DUSP14: variants seen among roughly 807,000 people sequenced by gnomAD.
DUSP14 encodes dual specificity protein phosphatase 14.
A neutral mutation model predicts 13.2 loss-of-function variants in DUSP14; 5 were observed. The ratio of observed to expected loss-of-function variants is 0.38; its 90% CI spans 0.20 to 0.80. The LOEUF (loss-of-function observed/expected upper bound fraction) is 0.80, where lower values mean the gene tolerates loss of function less well. Among genes scored for constraint, DUSP14 ranks in the 30% least tolerant of loss-of-function variants. The pLI is 0.44. For missense variants in DUSP14, 185 were observed against 264.0 expected, an observed-to-expected ratio of 0.70 and a Z score of 2.07; for synonymous variants, 91 against 103.4, an observed-to-expected ratio of 0.88 and a Z score of 0.73.
chr17:37,512,215 G>A lies in DUSP14; in HGVS notation c.-58G>A. On this transcript the variant is annotated 5_prime_UTR_variant, in exon 3 of 3. Coordinates refer to ENST00000617516, the MANE Select transcript of DUSP14 (RefSeq NM_007026.4). This position sits in a 1 kb window ranked among gnomAD's most constrained non-coding sequence, Gnocchi z 4.8. ...TCTAATTTTGGATTCCTTGGTGGAG[G>A]AAAATAAAACACTCTGGTCTTGCCG... is the stretch of plus-strand genomic sequence containing the variant. 1 of 1,460,126 alleles carries A rather than the reference G, an allele frequency of 6.8e-7. No homozygotes were observed. The highest frequency in any genetic ancestry group is 2.3e-5 in the East Asian group (1 of 43,808). 90.4% of individuals were successfully genotyped at this position (1,460,126 alleles called of 1,614,324 possible).
chr17:37,493,341 C>T (rs1453381317), intron 1 of DUSP14, among the ~76,000 whole-genome samples: 1 of 152,136 alleles, frequency 6.6e-6, no homozygotes, highest in Non-Finnish European at 1.5e-5. Flanking sequence ...TGTTTCTGGT[C>T]TGGGGCAATT....
intron 1 of DUSP14, among the ~76,000 whole-genome samples, chr17:37,504,256 G>A (rs1050674524): frequency 3.9e-5 from 6 of 152,124 alleles, no homozygotes; most frequent in Non-Finnish European, 7.4e-5. Flanking sequence ...GTGAACAGGC[G>A]CTGGTCCATC....
At chr17:37,496,685 G>A (rs945103258) in intron 1 of DUSP14, among the ~76,000 whole-genome samples, 1 of 151,970 alleles carries the variant, frequency 6.6e-6, no homozygotes, top group Non-Finnish European at 1.5e-5. Context: ...CCTGGGAGGC[G>A]GAGGTTCAAG....
At chr17:37,500,580 A>G (rs2054098244) in intron 1 of DUSP14, among the ~76,000 whole-genome samples, 1 of 152,168 alleles carries the variant, frequency 6.6e-6, no homozygotes, top group Non-Finnish European at 1.5e-5. Context: ...ATTGCTGATT[A>G]GTGATTTTTT....
upstream of DUSP14, among the ~76,000 whole-genome samples, chr17:37,489,530 A>C (rs895848474): frequency 1.3e-5 from 2 of 151,938 alleles, no homozygotes; most frequent in African/African-American, 4.8e-5. Context: ...AATCCTCTCC[A>C]ATCCCGAAAG....
At chr17:37,511,938 C>CATTTTTTTTTTTTTTTTTT (rs1568206074) in intron 2 of DUSP14, among the ~76,000 whole-genome samples, 1 of 38,248 alleles carries the variant, frequency 2.6e-5, no homozygotes, top group Non-Finnish European at 4.6e-5. Context: ...CCCCACCCCA[C>CATTTTTTTTTTTTTTTTTT]TTTTTTTTTT....
intron 1 of DUSP14, among the ~76,000 whole-genome samples, chr17:37,493,475 T>C (rs1261461801): frequency 6.6e-6 from 1 of 152,214 alleles, no homozygotes; most frequent in Non-Finnish European, 1.5e-5. Flanking sequence ...AGTCACTGTA[T>C]TTGCTGTTTA....
chr17:37,497,152 CA>C (rs1244064523), intron 1 of DUSP14, among the ~76,000 whole-genome samples: 5 of 151,114 alleles, frequency 3.3e-5, no homozygotes, highest in Non-Finnish European at 5.9e-5. Context: ...CTTCAAACTG[CA>C]TTTTTTTTTT....
Position 37,513,196 on chromosome 17 carries a change from A to G in DUSP14, c.*327A>G. The G allele has an allele frequency of 3.2e-6, 1 of 308,288 alleles. No individual in the cohort carries two copies. The highest frequency in any genetic ancestry group is 6.4e-6 in the Non-Finnish European group (1 of 157,428). The allele number at this position is 308,288 out of a possible 1,614,324, so 19.1% of individuals were successfully genotyped here. A position where few individuals can be genotyped will look rare whatever the true frequency, so the allele number is the denominator to read the frequency against. On this transcript the variant is annotated 3_prime_UTR_variant, in exon 3 of 3. Transcript: ENST00000617516. ...ATGCCTTTGGCACCTTGGTAGGTGC[A>G]GGAGGAGCTCAGTGCAAAAATCACT...
At chr17:37,495,784 C>T (rs1389752174) in intron 1 of DUSP14, among the ~76,000 whole-genome samples, 2 of 151,988 alleles carry the variant, frequency 1.3e-5, no homozygotes, top group Non-Finnish European at 2.9e-5. Context: ...CTCAGCCTCC[C>T]GAGTAGCTGG....
intron 1 of DUSP14, among the ~76,000 whole-genome samples, chr17:37,506,644 T>C (rs1198070840): frequency 6.6e-6 from 1 of 152,198 alleles, no homozygotes; most frequent in East Asian, 1.9e-4. Flanking sequence ...GAGTAGATTT[T>C]CATGCACCTG....
Position 37,511,937 on chromosome 17 carries a change from A to AGTTTTTTTTTTTTTTTTTTTTTT in DUSP14, c.-92-244_-92-243insGTTTTTTTTTTTTTTTTTTTTTT, listed in dbSNP as rs1329764853. ...TGCCCAGCCACCCCCCCCCCACCCC[A>AGTTTTTTTTTTTTTTTTTTTTTT]CTTTTTTTTTTTTTTTTTTGGACAA... On this transcript the variant is annotated intron_variant, in intron 2 of 2. Transcript: ENST00000617516. 1.4e-3 allele frequency among the ~76,000 whole-genome samples: 23 copies of AGTTTTTTTTTTTTTTTTTTTTTT among 16,432 alleles called. 4 individuals carry two copies. The highest frequency in any genetic ancestry group is 2.5e-3 in the Admixed American group (3 of 1,216). The allele number at this position is 16,432 out of a possible 152,430, so 10.8% of individuals were successfully genotyped here.
At chr17:37,504,106 A>G (rs1353859465) in intron 1 of DUSP14, among the ~76,000 whole-genome samples, 1 of 152,192 alleles carries the variant, frequency 6.6e-6, no homozygotes, top group African/African-American at 2.4e-5. Flanking sequence ...AGGCAGGAGA[A>G]TCACTTGAAC....
At chr17:37,495,630 G>A (rs978875989) in intron 1 of DUSP14, among the ~76,000 whole-genome samples, 3 of 151,888 alleles carry the variant, frequency 2.0e-5, no homozygotes, top group African/African-American at 4.8e-5. Flanking sequence ...GTGACCAGTA[G>A]GTGAACTTGC....
intron 2 of DUSP14, among the ~76,000 whole-genome samples, chr17:37,511,741 C>T (rs1171710231): frequency 2.0e-5 from 3 of 150,156 alleles, no homozygotes; most frequent in African/African-American, 7.4e-5. Flanking sequence ...GCATGCACTA[C>T]CACACCCAGC....
chr17:37,498,580 C>G (rs886878264), intron 1 of DUSP14, among the ~76,000 whole-genome samples: 1 of 151,988 alleles, frequency 6.6e-6, no homozygotes, highest in Admixed American at 6.6e-5. Flanking sequence ...CCTGCCTCGG[C>G]CTCCCAAAGT....
At chr17:37,511,265 A>T (rs1359513389) in intron 2 of DUSP14, among the ~76,000 whole-genome samples, 1 of 152,074 alleles carries the variant, frequency 6.6e-6, no homozygotes, top group Non-Finnish European at 1.5e-5. Flanking sequence ...TCACGAAATG[A>T]TAGGAAATAG....
chr17:37,491,776 C>A (rs2148069775), intron 1 of DUSP14: 1 of 152,170 alleles, frequency 6.6e-6, no homozygotes, highest in Middle Eastern at 3.4e-3. Context: ...TTGATGGGTT[C>A]CTTTGCAATT....
At chr17:37,511,985 A>G (rs1260861319) in intron 2 of DUSP14, among the ~76,000 whole-genome samples, 196 bp from the exon 3 acceptor site, 1 of 117,016 alleles carries the variant, frequency 8.5e-6, no homozygotes, top group Non-Finnish European at 1.6e-5. Flanking sequence ...TGAATTTTAC[A>G]TTGATTTCAC....
Sources: gnomAD v4.1 joint callset for allele counts (sites outside exome capture counted in the v4.1 genomes callset) on GRCh38, gnomAD v4.1.1 for gene constraint, Gnocchi (gnomAD v3.1) non-coding constraint, MANE v1.5 for transcripts, NCBI Gene and HGNC (gene_info 2026-07-23, HGNC 2026-07-21) for gene names.